Variants in DCLK1 observed in about 807,000 individuals in gnomAD.
The protein encoded by DCLK1 is serine/threonine-protein kinase DCLK1.
In DCLK1, 16 loss-of-function variants were observed where a neutral mutation model predicts 86.2. That is an observed-to-expected ratio of 0.19 (90% CI 0.13 to 0.28). The LOEUF is 0.28. Among genes scored for constraint, DCLK1 ranks in the 10% least tolerant of loss-of-function variants. The pLI, the probability that DCLK1 is intolerant of heterozygous loss-of-function variation, is 1.00. For synonymous variants in DCLK1, 369 were observed against 370.5 expected (o/e 1.00, Z 0.05); for missense variants, 590 against 940.2 (o/e 0.63, Z 4.87).
intron 4 of DCLK1, among the ~76,000 whole-genome samples, chr13:35,924,082 TC>T (rs1472212846): frequency 6.6e-6 from 1 of 152,100 alleles, no homozygotes; most frequent in Non-Finnish European, 1.5e-5. Context: ...TCCCCAGTGC[TC>T]CCCAAAGTAT....
intron 16 of DCLK1, among the ~76,000 whole-genome samples, chr13:35,777,693 T>G (rs890875359): frequency 6.6e-6 from 1 of 152,160 alleles, no homozygotes; most frequent in Non-Finnish European, 1.5e-5. Flanking sequence ...GAGACCTGAG[T>G]CTGATGACAG....
Position 35,839,771 on chromosome 13 carries a change from A to G in DCLK1, c.1036-595T>C, listed in dbSNP as rs532088719. Among the ~76,000 whole-genome samples the G allele has an allele frequency of 2.2e-5, 3 of 134,002 alleles. No individual in the cohort carries two copies. The East Asian group carries it at 6.8e-4, about 31-fold the overall frequency. 87.9% of individuals were successfully genotyped at this position (134,002 alleles called of 152,430 possible). A position where few individuals can be genotyped will look rare whatever the true frequency, so the allele number is the denominator to read the frequency against. On this transcript the variant is annotated intron_variant, in intron 6 of 16. Transcript: ENST00000360631. The stretch of plus-strand genomic sequence containing the variant: ...TAATAAGTCTGAAGTAAAGACAACA[A>G]TAAAAGCCTAGGCCTTGTAATTTTG...
At chr13:35,910,446 G>A (rs1175181073) in intron 4 of DCLK1, among the ~76,000 whole-genome samples, 2 of 152,342 alleles carry the variant, frequency 1.3e-5, no homozygotes, top group South Asian at 4.1e-4. Context: ...TATGGATTTT[G>A]TGCCTAATAG....
chr13:36,038,339 T>G (rs1184002884), intron 3 of DCLK1, among the ~76,000 whole-genome samples: 8 of 152,152 alleles, frequency 5.3e-5, no homozygotes, highest in Non-Finnish European at 1.2e-4. Context: ...GAGTGCTTCC[T>G]GGTTACAGGA....
At chr13:36,084,049 T>C (rs957970940) in intron 3 of DCLK1, among the ~76,000 whole-genome samples, 8 of 152,212 alleles carry the variant, frequency 5.3e-5, no homozygotes, top group African/African-American at 1.9e-4. Context: ...GAAAACTAAA[T>C]GTATTTGTCC....
chr13:35,927,867 C>T (rs1566606657), intron 4 of DCLK1, among the ~76,000 whole-genome samples: 1 of 152,114 alleles, frequency 6.6e-6, no homozygotes, highest in South Asian at 2.1e-4. Flanking sequence ...ATAACCAAAC[C>T]CTGGTAAAGA....
chr13:36,126,707 G>A (rs1225255528), intron 1 of DCLK1, among the ~76,000 whole-genome samples: 2 of 152,156 alleles, frequency 1.3e-5, no homozygotes, highest in African/African-American at 4.8e-5. Context: ...TCCTCTGCAC[G>A]CTGTCAGCAG....
intron 4 of DCLK1, among the ~76,000 whole-genome samples, chr13:35,927,622 G>A (rs996461923): frequency 4.6e-5 from 7 of 152,184 alleles, no homozygotes; most frequent in Admixed American, 2.6e-4. Flanking sequence ...TTTCTTCCCA[G>A]GTTCCTGGCA....
chr13:36,067,765 A>G (rs1301641532), intron 3 of DCLK1, among the ~76,000 whole-genome samples: 2 of 151,954 alleles, frequency 1.3e-5, no homozygotes, highest in African/African-American at 2.4e-5. Flanking sequence ...TAGGTTTCCA[A>G]TCTGCTTCTT....
chr13:35,823,598 T>C (rs1322939695), intron 10 of DCLK1, among the ~76,000 whole-genome samples: 3 of 152,214 alleles, frequency 2.0e-5, no homozygotes, highest in East Asian at 3.9e-4. Flanking sequence ...TTTTTAAATA[T>C]ATTGCTTTTT....
intron 3 of DCLK1, among the ~76,000 whole-genome samples, chr13:36,056,618 TA>T (rs71196600): frequency 0.58 from 63,605 of 109,702 alleles, 16,449 homozygotes; most frequent in Middle Eastern, 0.67. Context: ...AAGTATAATT[TA>T]AAAAAAAAAA....
At chr13:36,110,107 G>A (rs565224312) in intron 3 of DCLK1, among the ~76,000 whole-genome samples, 1 of 152,162 alleles carries the variant, frequency 6.6e-6, no homozygotes, top group South Asian at 2.1e-4. Flanking sequence ...ATTTGAATAG[G>A]TAAATATTTA....
At chr13:35,787,319 C>T (rs538695836) in intron 16 of DCLK1, among the ~76,000 whole-genome samples, 1 of 151,526 alleles carries the variant, frequency 6.6e-6, no homozygotes, top group Admixed American at 6.6e-5. Flanking sequence ...GGAGTGTTAC[C>T]TGGAGATCAC....
intron 5 of DCLK1, 43 bp downstream of exon 5, chr13:35,871,181 C>T (rs1329455897): frequency 3.3e-6 from 5 of 1,534,410 alleles, no homozygotes; most frequent in East Asian, 2.2e-5. Context: ...CATCCTGTGT[C>T]AGGAACAAGG....
At chr13:35,998,367 A>G (rs1192171265) in intron 3 of DCLK1, among the ~76,000 whole-genome samples, 5 of 152,148 alleles carry the variant, frequency 3.3e-5, no homozygotes, top group Non-Finnish European at 5.9e-5. Flanking sequence ...AATCCTCTCC[A>G]TTCAATATCT....
At chr13:36,022,019 G>C (rs1881806350) in intron 3 of DCLK1, among the ~76,000 whole-genome samples, 1 of 151,956 alleles carries the variant, frequency 6.6e-6, no homozygotes, top group Non-Finnish European at 1.5e-5. Flanking sequence ...GATAGACCAT[G>C]TATTAAGCCA....
chr13:35,867,929 G>GAAAA (rs1871947946), intron 5 of DCLK1, among the ~76,000 whole-genome samples: 2 of 134,024 alleles, frequency 1.5e-5, no homozygotes. Flanking sequence ...AAGAAAGAAA[G>GAAAA]AAAGAAAGAA....
At chr13:35,987,231 G>T (rs906117563) in intron 3 of DCLK1, among the ~76,000 whole-genome samples, 7 of 152,060 alleles carry the variant, frequency 4.6e-5, no homozygotes, top group African/African-American at 1.7e-4. Context: ...AGGCCAGCCT[G>T]ACCAACATGG....
At chr13:36,089,423 T>C (rs913253945) in intron 3 of DCLK1, among the ~76,000 whole-genome samples, 18 of 152,212 alleles carry the variant, frequency 1.2e-4, no homozygotes, top group African/African-American at 4.3e-4. Context: ...TTTGGAAACA[T>C]AACCTTGGTT....
Sources: allele counts gnomAD v4.1 joint callset (sites outside exome capture counted in the v4.1 genomes callset), GRCh38; gene constraint gnomAD v4.1.1; transcripts MANE v1.5; gene names NCBI Gene and HGNC (gene_info 2026-07-23, HGNC 2026-07-21).